UPK1A: variants seen among roughly 807,000 people sequenced by gnomAD.
UPK1A encodes uroplakin 1A, also known as uroplakin-1a.
In UPK1A, 31 loss-of-function variants were observed where a neutral mutation model predicts 32.3. The ratio of observed to expected loss-of-function variants is 0.96; its 90% CI spans 0.72 to 1.30. The LOEUF (loss-of-function observed/expected upper bound fraction) is 1.30. Ranked by LOEUF, UPK1A falls within the 50% of genes most tolerant of loss-of-function variation. The probability of loss-of-function intolerance (pLI) is 0.00; values close to 1 mark genes in which losing one functional copy is unlikely to be tolerated. For missense variants in UPK1A, 340 were observed against 357.4 expected (o/e 0.95, Z 0.39); for synonymous variants, 135 against 137.1 (o/e 0.98, Z 0.11).
At chr19:35,666,946 G>T in intron 2 of UPK1A, 50 bp downstream of exon 2, 1 of 1,596,290 alleles carries the variant, frequency 6.3e-7, no homozygotes, top group South Asian at 1.1e-5. Flanking sequence ...GGTGGGGAGG[G>T]GACAGTCCTG....
chr19:35,673,401 A>G, intron 4 of UPK1A, 37 bp from the exon 5 acceptor site: 1 of 1,611,608 alleles, frequency 6.2e-7, no homozygotes, highest in South Asian at 1.1e-5. Flanking sequence ...CTCCCCACCC[A>G]GCCCTGCCGG....
At chr19:35,673,881 G>A (rs1298446476) in intron 5 of UPK1A, among the ~76,000 whole-genome samples, 1 of 152,118 alleles carries the variant, frequency 6.6e-6, no homozygotes, top group Non-Finnish European at 1.5e-5. Context: ...ACCATTCACT[G>A]AGCTAGGTTT....
At chr19:35,668,346 T>G in intron 2 of UPK1A, 108 bp from the exon 3 acceptor site, 1 of 1,338,042 alleles carries the variant, frequency 7.5e-7, no homozygotes, top group Non-Finnish European at 1.1e-6. Flanking sequence ...CCCACTTTAC[T>G]GAGAGGGCAG....
chr19:35,675,036 C>T (rs1235514578), intron 5 of UPK1A, among the ~76,000 whole-genome samples: 9 of 139,088 alleles, frequency 6.5e-5, no homozygotes, highest in Middle Eastern at 3.6e-3. Flanking sequence ...AGGGAGACTC[C>T]GTCTCAAAAA....
intron 5 of UPK1A, 110 bp downstream of exon 5, chr19:35,673,655 C>A: frequency 1.1e-6 from 1 of 878,620 alleles, no homozygotes; most frequent in Non-Finnish European, 1.7e-6. Context: ...AAGACATCCG[C>A]TCATGAGATC....
chr19:35,675,218 G>A (rs1968163192), intron 5 of UPK1A, among the ~76,000 whole-genome samples: 1 of 152,082 alleles, frequency 6.6e-6, no homozygotes, highest in African/African-American at 2.4e-5. Context: ...CCAAGGCCAG[G>A]AAAAGCCAGA....
chr19:35,666,962 G>A (rs1454214877), intron 2 of UPK1A, 66 bp downstream of exon 2: 9 of 1,542,674 alleles, frequency 5.8e-6, no homozygotes, highest in Admixed American at 1.7e-5. Flanking sequence ...TCCTGAGCTC[G>A]GGGTGGGGGA....
chr19:35,668,605 G>C, exon 3 of UPK1A: 5 of 1,614,134 alleles, frequency 3.1e-6, no homozygotes, highest in Non-Finnish European at 4.2e-6. Context: ...ATGGTAGCCA[G>C]TTTTGGTGTG....
At chr19:35,675,529 C>T (rs933036204) in intron 5 of UPK1A, among the ~76,000 whole-genome samples, 4 of 152,114 alleles carry the variant, frequency 2.6e-5, no homozygotes, top group African/African-American at 9.7e-5. Context: ...GATCCATCCA[C>T]CTCGGCCTCC....
chr19:35,678,280 A>G (rs1968213883), exon 8 of UPK1A: 1 of 390,030 alleles, frequency 2.6e-6, no homozygotes, highest in Non-Finnish European at 4.6e-6. Flanking sequence ...CCATTCACAG[A>G]TACCTCTCTT....
At position 35,668,444 on chromosome 19, in the gene UPK1A, C is replaced by T. The variant is rs752118372; in HGVS notation, c.85-10C>T. The T allele has an allele frequency of 5.0e-6, 8 of 1,614,076 alleles. No homozygotes were observed. In the Admixed American group the frequency reaches 1.3e-4, roughly 27 times the overall value. Reference sequence around the variant, plus strand: ...CCGAGCAGACCTTCCTAACCCACCGCTCTGTCCAGCTGTCAGGCCTGTCCC... The same window carrying T: ...CCGAGCAGACCTTCCTAACCCACCGTTCTGTCCAGCTGTCAGGCCTGTCCC... On this transcript the variant is annotated splice_polypyrimidine_tract_variant and intron_variant, in intron 2 of 7. Transcript: ENST00000617999.
At chr19:35,676,998 C>A (rs1226820420) in intron 6 of UPK1A, among the ~76,000 whole-genome samples, 1 of 151,346 alleles carries the variant, frequency 6.6e-6, no homozygotes, top group Non-Finnish European at 1.5e-5. Flanking sequence ...AAGGCAGGAG[C>A]ATCACTTGAG....
In UPK1A at chr19:35,666,837, G is replaced by T. The variant is rs199645666; in HGVS notation, c.25G>T (p.Ala9Ser). Residue 9 changes from alanine to serine, a missense_variant, in exon 2 of 8, where the codon GCC becomes TCC. Transcript: ENST00000617999. ...GATGGCGTCTGCGGCAGCAGCGGAGGCCGAGAAGGGATCTCCAGTTGTGGT... is the reference window on the plus strand; with the variant it reads ...GATGGCGTCTGCGGCAGCAGCGGAGTCCGAGAAGGGATCTCCAGTTGTGGT... The T allele has an allele frequency of 1.9e-6, 3 of 1,614,162 alleles. No individual in the cohort carries two copies. The East Asian group carries it at 6.7e-5, about 36-fold the overall frequency.
intron 3 of UPK1A, among the ~76,000 whole-genome samples, chr19:35,670,392 C>A (rs1968069003): frequency 8.5e-6 from 1 of 117,740 alleles, no homozygotes; most frequent in Admixed American, 9.0e-5. Flanking sequence ...CCCTCCCCTT[C>A]CCTCCCCTCC....
chr19:35,668,848 C>CTTTTT (rs147337402), intron 3 of UPK1A, among the ~76,000 whole-genome samples, 194 bp downstream of exon 3: 1 of 140,720 alleles, frequency 7.1e-6, no homozygotes, highest in Non-Finnish European at 1.5e-5. Flanking sequence ...GGGATTTTTT[C>CTTTTT]TTTTTTTTTT....
exon 6 of UPK1A, chr19:35,675,954 G>C (rs1340925563): frequency 1.2e-6 from 2 of 1,613,900 alleles, no homozygotes; most frequent in Admixed American, 1.7e-5. Flanking sequence ...TCGCCGGACG[G>C]GAAACTTCAT....
rs1413669675 is a variant in UPK1A, at chr19:35,666,559, G to T, written c.-5+21G>T. Reference sequence around the variant, plus strand: ...AGAAGGTGAGGAGGGGGCCCTGGGAGTCTGGGTATGGCATGAGGGGTCTGA... The same window carrying T: ...AGAAGGTGAGGAGGGGGCCCTGGGATTCTGGGTATGGCATGAGGGGTCTGA... On this transcript the variant is annotated intron_variant, in intron 1 of 7. Transcript: ENST00000617999. 18 of 509,644 alleles carry T rather than the reference G, an allele frequency of 3.5e-5. No individual in the cohort carries two copies. In the South Asian group the frequency reaches 4.0e-4, roughly 11 times the overall value. The allele number at this position is 509,644 out of a possible 1,614,324, so 31.6% of individuals were successfully genotyped here.
At chr19:35,676,735 C>T (rs1180723257) in intron 6 of UPK1A, among the ~76,000 whole-genome samples, 1 of 151,714 alleles carries the variant, frequency 6.6e-6, no homozygotes, top group Admixed American at 6.6e-5. Flanking sequence ...CCCATCTCTA[C>T]TAAAAATGCA....
intron 6 of UPK1A, among the ~76,000 whole-genome samples, chr19:35,676,923 A>G (rs140161263): frequency 4.0e-5 from 6 of 151,622 alleles, no homozygotes; most frequent in Non-Finnish European, 5.9e-5. Context: ...AAAACAAAAC[A>G]TCAAACAAAA....
Sources: gnomAD v4.1 joint callset for allele counts (sites outside exome capture counted in the v4.1 genomes callset) on GRCh38, gnomAD v4.1.1 for gene constraint, MANE v1.5 for transcripts, NCBI Gene and HGNC (gene_info 2026-07-23, HGNC 2026-07-21) for gene names.